UROC1: variants seen among roughly 807,000 people sequenced by gnomAD.
The protein encoded by UROC1 is urocanate hydratase.
In UROC1, 79 loss-of-function variants were observed where a neutral mutation model predicts 89.5. That is an observed-to-expected ratio of 0.88 (90% confidence interval 0.74 to 1.06). The LOEUF is 1.06. UROC1 is among the 50% of genes least tolerant of loss of function. The pLI is 0.00. For synonymous variants in UROC1, 361 were observed against 354.8 expected (o/e 1.02, Z -0.20); for missense variants, 885 against 907.8 (o/e 0.97, Z 0.32).
intron 11 of UROC1, 66 bp from the exon 12 acceptor site, chr3:126,500,220 C>T: frequency 6.7e-7 from 1 of 1,493,562 alleles, no homozygotes; most frequent in Non-Finnish European, 9.2e-7. Flanking sequence ...GTGGCACCCT[C>T]AGTCGCACCC....
rs746191901 is a variant in UROC1, at chr3:126,500,090, C to G, written c.1210G>C (p.Gly404Arg). Residue 404 changes from glycine to arginine, a missense_variant, in exon 12 of 20, where the codon GGC becomes CGC. Gly to Arg is a moderately radical substitution (Grantham distance 125). Transcript: ENST00000290868. Reference protein sequence around the residue: ...AEEKFFFWDYGNAFLLEAQRA... With the variant: ...AEEKFFFWDYRNAFLLEAQRA... ...TGGGCCTCCAAGAGGAAGGCATTGC[C>G]GTAGTCCCAGAAGAAGAACTTCTCC... 4 of 1,613,850 alleles carry G rather than the reference C, an allele frequency of 2.5e-6. No homozygotes were observed. Among genetic ancestry groups the G allele is most frequent in the South Asian group, 1.1e-5 (1 of 91,088 alleles).
chr3:126,486,940 CA>C (rs1469678771), intron 18 of UROC1, among the ~76,000 whole-genome samples: 4 of 152,186 alleles, frequency 2.6e-5, no homozygotes, highest in African/African-American at 9.7e-5. Flanking sequence ...GGCACTTTCC[CA>C]AAACACCCCT....
rs1364760923 is a variant in UROC1, at chr3:126,509,680, T to C, written c.258-2A>G. 37 of 1,551,496 alleles carry C rather than the reference T, an allele frequency of 2.4e-5. No homozygotes were observed. Among genetic ancestry groups the C allele is most frequent in the Admixed American group, 3.9e-5 (2 of 51,006 alleles). ...GGGTACTGCTCAATCGGGTAGGCCC[T>C]GCAAGGGAAAGCCCAACCACCAGGC... is the stretch of plus-strand genomic sequence containing the variant. On this transcript the variant is annotated splice_acceptor_variant, in intron 2 of 19. Coordinates refer to ENST00000290868, the MANE Select transcript of UROC1 (RefSeq NM_144639.3). LOFTEE classifies it high-confidence loss of function.
chr3:126,485,575 T>C (rs924632406), intron 18 of UROC1, among the ~76,000 whole-genome samples: 13 of 151,228 alleles, frequency 8.6e-5, no homozygotes, highest in East Asian at 5.8e-4. Flanking sequence ...TGCTTTTTTT[T>C]CTTTGTTCCC....
chr3:126,502,952 A>ATGTG (rs1228031355), intron 9 of UROC1, among the ~76,000 whole-genome samples: 4 of 94,786 alleles, frequency 4.2e-5, no homozygotes, highest in South Asian at 3.9e-4. Context: ...TGTGTGTGTT[A>ATGTG]TATGTGTGTT....
chr3:126,500,424 C>A (rs983493827), intron 11 of UROC1, among the ~76,000 whole-genome samples: 67 of 152,206 alleles, frequency 4.4e-4, no homozygotes, highest in Non-Finnish European at 1.5e-5. Flanking sequence ...AAAACAGATG[C>A]CCCAGAGAGG....
Position 126,510,728 on chromosome 3 carries a change from C to A in UROC1, c.193G>T (p.Ala65Ser), listed in dbSNP as rs73859506. The stretch of plus-strand genomic sequence containing the variant: ...TGTCCGTACAGTTGCAGCTCCTGGG[C>A]AAACTCTGGGGCCAGCAGCTCCTGG... The part of the protein sequence containing the change: ...DVQELLAPEF[A>S]QELQLYGHIY... Residue 65 changes from alanine to serine, a missense_variant, in exon 2 of 20, where the codon GCC becomes TCC. Ala to Ser is a moderately conservative substitution (Grantham distance 99). Transcript: ENST00000290868. The A allele has an allele frequency of 5.2e-4, 842 of 1,614,166 alleles. 6 individuals are homozygous for A. The African/African-American group carries it at 1.0e-2, about 19-fold the overall frequency.
chr3:126,509,831 C>G (rs936564409), intron 2 of UROC1, among the ~76,000 whole-genome samples, 153 bp from the exon 3 acceptor site: 30 of 152,220 alleles, frequency 2.0e-4, no homozygotes, highest in South Asian at 4.1e-4. Flanking sequence ...TCCAGAGCCA[C>G]TAGGGCTGAG....
chr3:126,506,029 A>G lies in UROC1; in HGVS notation c.603-18T>C. Reference sequence around the variant, plus strand: ...GGCCGTACCTGACCACAGGGAGAGAAGCCAAGCCCAGGGCTCAGCCAGTGC... The same window carrying G: ...GGCCGTACCTGACCACAGGGAGAGAGGCCAAGCCCAGGGCTCAGCCAGTGC... On this transcript the variant is annotated intron_variant, in intron 6 of 19. Transcript: ENST00000290868. 6.2e-7 allele frequency: 1 copy of G among 1,613,296 alleles called. No individual in the cohort carries two copies. The highest frequency in any genetic ancestry group is 8.5e-7 in the Non-Finnish European group (1 of 1,180,018).
In UROC1 at chr3:126,507,949, C is replaced by T; in HGVS notation, c.540+18G>A. ...TTGGAGCCCTGGGCAGGTGCTGTGC[C>T]ACCTGCTGGGGACCCACCATCCCAT... On this transcript the variant is annotated intron_variant, in intron 5 of 19. Transcript: ENST00000290868. The T allele has an allele frequency of 2.5e-6, 4 of 1,613,748 alleles. No individual in the cohort carries two copies. Among genetic ancestry groups the T allele is most frequent in the Non-Finnish European group, 3.4e-6 (4 of 1,180,008 alleles).
rs546734241 is a variant in UROC1, at chr3:126,495,064, C to T, written c.1509+974G>A. 2.6e-5 allele frequency among the ~76,000 whole-genome samples: 4 copies of T among 152,338 alleles called. No individual in the cohort carries two copies. The East Asian group carries it at 7.7e-4, about 29-fold the overall frequency. On this transcript the variant is annotated intron_variant, in intron 15 of 19. Transcript: ENST00000290868. ...GGGAGGCTTCTCAGGCCCAGGCAGC[C>T]TGGCTCTAGAGCCCAAACTCTTTCC...
At chr3:126,505,572 C>T (rs1395410461) in intron 8 of UROC1, 129 bp downstream of exon 8, 2 of 1,424,836 alleles carry the variant, frequency 1.4e-6, no homozygotes, top group African/African-American at 1.5e-5. Context: ...GTGGAGGAGG[C>T]AAGGGTGGCC....
intron 15 of UROC1, among the ~76,000 whole-genome samples, chr3:126,494,482 G>T (rs1293823363): frequency 6.6e-6 from 1 of 152,170 alleles, no homozygotes; most frequent in African/African-American, 2.4e-5. Flanking sequence ...GATGCTGTTG[G>T]CACGGGGACT....
At chr3:126,503,647 G>A (rs1055759066) in intron 9 of UROC1, among the ~76,000 whole-genome samples, 3 of 152,218 alleles carry the variant, frequency 2.0e-5, no homozygotes, top group African/African-American at 7.2e-5. Context: ...TTCATGCTTC[G>A]CAGAACCAGG....
intron 19 of UROC1, among the ~76,000 whole-genome samples, chr3:126,482,899 C>T (rs747168745): frequency 3.3e-5 from 5 of 152,122 alleles, no homozygotes; most frequent in Non-Finnish European, 7.4e-5. Flanking sequence ...CCCCCGCCTC[C>T]GCCTTCCACA....
chr3:126,495,412 T>C lies in UROC1; in HGVS notation c.1509+626A>G, dbSNP rs568302219. Among the ~76,000 whole-genome samples the C allele has an allele frequency of 3.3e-5, 5 of 152,332 alleles. No individual in the cohort carries two copies. In the East Asian group the frequency reaches 9.7e-4, roughly 29 times the overall value. ...TGGAACCATGCAGTATTTGTCCTTT[T>C]GTGACTGGGTTATTTCACTTAGCAT... On this transcript the variant is annotated intron_variant, in intron 15 of 19. Coordinates refer to ENST00000290868, the MANE Select transcript of UROC1 (RefSeq NM_144639.3).
intron 6 of UROC1, among the ~76,000 whole-genome samples, chr3:126,507,202 T>G (rs1229538946): frequency 6.6e-6 from 1 of 152,232 alleles, no homozygotes; most frequent in African/African-American, 2.4e-5. Context: ...CTAATGGTTT[T>G]GGTTGCACAG....
At chr3:126,486,922 G>A (rs1384961356) in intron 18 of UROC1, among the ~76,000 whole-genome samples, 1 of 152,250 alleles carries the variant, frequency 6.6e-6, no homozygotes, top group Non-Finnish European at 1.5e-5. Context: ...GTCCCAGGAT[G>A]AATTTGTGGC....
chr3:126,500,244 C>CTTCCAGCCCCACTG (rs1560121754), intron 11 of UROC1, 90 bp from the exon 12 acceptor site: 27 of 1,258,656 alleles, frequency 2.1e-5, no homozygotes, highest in Non-Finnish European at 2.6e-5. Context: ...ATGCTCCCCA[C>CTTCCAGCCCCACTG]CAACTTCCAG....
Sources: gnomAD v4.1 joint callset for allele counts (sites outside exome capture counted in the v4.1 genomes callset) on GRCh38, gnomAD v4.1.1 for gene constraint, MANE v1.5 for transcripts, NCBI Gene and HGNC (gene_info 2026-07-23, HGNC 2026-07-21) for gene names.